Variants in SYT16 observed in about 807,000 individuals in gnomAD.
SYT16 encodes the protein synaptotagmin-16.
Under a neutral mutation model 61.4 loss-of-function variants are expected in SYT16, and 42 were observed. The ratio of observed to expected loss-of-function variants is 0.68; its 90% CI spans 0.53 to 0.89. The LOEUF (loss-of-function observed/expected upper bound fraction) is 0.89, where lower values mean the gene tolerates loss of function less well. Among genes scored for constraint, SYT16 ranks in the 40% least tolerant of loss-of-function variants. The pLI, the probability that SYT16 is intolerant of heterozygous loss-of-function variation, is 0.00. For missense variants in SYT16, 804 were observed against 807.3 expected, an observed-to-expected ratio of 1.00 and a Z score of 0.05; for synonymous variants, 314 against 302.3, an observed-to-expected ratio of 1.04 and a Z score of -0.40.
chr14:62,045,651 G>C (rs924391799), intron 3 of SYT16, among the ~76,000 whole-genome samples: 22 of 152,102 alleles, frequency 1.4e-4, no homozygotes, highest in African/African-American at 5.3e-4. Context: ...CCCTTCTTGT[G>C]TCCATGTGTT....
chr14:62,003,835 G>A (rs748725062), intron 3 of SYT16, among the ~76,000 whole-genome samples: 17 of 152,128 alleles, frequency 1.1e-4, no homozygotes, highest in Admixed American at 2.0e-4. Flanking sequence ...AGTTATGTAC[G>A]TGATAACTTT....
chr14:61,880,905 CCTT>C lies in SYT16; in HGVS notation c.-325+68098_-325+68100del, dbSNP rs2047675565. ...TGGTTTTTGTTTTCTTTTTTCTAAT[CCTT>C]CTACTTTTAAACAACTTGATTGACA... On this transcript the variant is annotated intron_variant, in intron 1 of 7. Transcript: ENST00000683842. 4.6e-5 allele frequency among the ~76,000 whole-genome samples: 7 copies of C among 152,002 alleles called. No homozygotes were observed. In the South Asian group the frequency reaches 6.3e-4, roughly 14 times the overall value.
At chr14:61,840,291 G>C (rs1001060000) in intron 1 of SYT16, among the ~76,000 whole-genome samples, 1 of 152,176 alleles carries the variant, frequency 6.6e-6, no homozygotes, top group Non-Finnish European at 1.5e-5. Context: ...GGAAATACGA[G>C]TCTAGAGCTT....
rs11347339 is a variant in SYT16, at chr14:62,054,360, G to GT, written c.524-15226dup. ...TAAAAGCTGTTACTTAGTGAAGTGA[G>GT]TTTTTTTTTTTTTTTTTGGAGATAG... is the stretch of plus-strand genomic sequence containing the variant. On this transcript the variant is annotated intron_variant, in intron 3 of 7. Coordinates refer to ENST00000683842, the MANE Select transcript of SYT16 (RefSeq NM_001367656.1). Among the ~76,000 whole-genome samples the GT allele has an allele frequency of 3.0e-3, 356 of 118,248 alleles. 3 individuals are homozygous for GT. The highest frequency in any genetic ancestry group is 4.5e-3 in the Middle Eastern group (1 of 224). The allele number at this position is 118,248 out of a possible 152,430, so 77.6% of individuals were successfully genotyped here.
intron 7 of SYT16, among the ~76,000 whole-genome samples, chr14:62,097,093 T>C (rs1489158994): frequency 6.6e-6 from 1 of 152,126 alleles, no homozygotes; most frequent in Non-Finnish European, 1.5e-5. Flanking sequence ...AACTACGGGG[T>C]ACCATGTTGT....
chr14:61,931,032 G>T (rs1318341491), intron 1 of SYT16, among the ~76,000 whole-genome samples: 1 of 152,192 alleles, frequency 6.6e-6, no homozygotes, highest in Non-Finnish European at 1.5e-5. Flanking sequence ...TACTAAGTTT[G>T]TGATAATTTG....
chr14:61,919,735 C>G (rs569624918), intron 1 of SYT16, among the ~76,000 whole-genome samples: 1 of 6,016 alleles, frequency 1.7e-4, no homozygotes, highest in African/African-American at 6.9e-4. Context: ...CATCTGCACT[C>G]TTCCCCTTTG....
intron 2 of SYT16, among the ~76,000 whole-genome samples, chr14:61,983,468 T>C (rs1277401441): frequency 6.6e-6 from 1 of 152,210 alleles, no homozygotes; most frequent in African/African-American, 2.4e-5. Context: ...GTTTTTCTAC[T>C]CTGGATCTCC....
At chr14:61,818,055 T>C (rs980888419) in intron 1 of SYT16, among the ~76,000 whole-genome samples, 1 of 152,260 alleles carries the variant, frequency 6.6e-6, no homozygotes. Context: ...TCTAATACTA[T>C]TGAGTTTACT....
At chr14:62,054,524 C>G (rs533542935) in intron 3 of SYT16, among the ~76,000 whole-genome samples, 7 of 151,966 alleles carry the variant, frequency 4.6e-5, no homozygotes, top group Non-Finnish European at 1.0e-4. Context: ...CCACGCTCAG[C>G]TAATTTTTGT....
intron 1 of SYT16, among the ~76,000 whole-genome samples, chr14:61,865,596 G>T (rs1342624963): frequency 6.6e-6 from 1 of 152,176 alleles, no homozygotes; most frequent in Non-Finnish European, 1.5e-5. Context: ...CCGTAATACC[G>T]CAAAGATATA....
intron 3 of SYT16, among the ~76,000 whole-genome samples, chr14:62,030,191 ACTGAAATGTATCTTTCTG>A (rs1330449964): frequency 1.3e-5 from 2 of 152,120 alleles, no homozygotes; most frequent in African/African-American, 4.8e-5. Flanking sequence ...ACAAAGCCAA[ACTGAAATGTATCTTTCTG>A]CTCAGATTAA....
At chr14:61,936,049 GAAA>G (rs914937090) in intron 1 of SYT16, among the ~76,000 whole-genome samples, 3 of 151,654 alleles carry the variant, frequency 2.0e-5, no homozygotes, top group Non-Finnish European at 2.9e-5. Flanking sequence ...ATCTTCTTTA[GAAA>G]AAAAACCTCT....
At chr14:62,062,676 C>T (rs2055876677) in intron 3 of SYT16, among the ~76,000 whole-genome samples, 1 of 152,088 alleles carries the variant, frequency 6.6e-6, no homozygotes, top group Non-Finnish European at 1.5e-5. Context: ...CTTTGATCTC[C>T]CTTCTGCTTT....
At chr14:62,069,849 G>C (rs757854407) in intron 4 of SYT16, 34 bp downstream of exon 4, 2 of 1,603,654 alleles carry the variant, frequency 1.2e-6, no homozygotes, top group South Asian at 2.2e-5. Context: ...CTTTAGACCA[G>C]GGATGGCCAA....
chr14:61,830,560 A>G (rs2045907231), intron 1 of SYT16, among the ~76,000 whole-genome samples: 1 of 152,230 alleles, frequency 6.6e-6, no homozygotes, highest in African/African-American at 2.4e-5. Context: ...GATTTCACAC[A>G]TGGACCATTT....
At chr14:62,100,065 TGAA>T (rs2057381300) in intron 7 of SYT16, among the ~76,000 whole-genome samples, 1 of 152,218 alleles carries the variant, frequency 6.6e-6, no homozygotes. Context: ...TAAATGTAGA[TGAA>T]GAACTGTGCC....
Position 62,075,353 on chromosome 14 carries a change from T to G in SYT16, c.955T>G (p.Ser319Ala). 2 of 1,613,748 alleles carry G rather than the reference T, an allele frequency of 1.2e-6. No homozygotes were observed. Among genetic ancestry groups the G allele is most frequent in the South Asian group, 2.2e-5 (2 of 91,070 alleles). Residue 319 changes from serine (S) to alanine (A), a missense_variant, in exon 5 of 8, where the codon TCC becomes GCC. Physicochemically the swap from Ser to Ala is moderately conservative, Grantham distance 99. Transcript: ENST00000683842. ...TTTTAATAGCCGGGGATTTGAAGAT[T>G]CCTATGCCACTGACAGCTCCTCCAT... ...TAFNSRGFEDSYATDSSSMWS... is the reference protein window; with the variant it reads ...TAFNSRGFEDAYATDSSSMWS...
At chr14:61,983,996 A>G (rs2052196899) in intron 2 of SYT16, among the ~76,000 whole-genome samples, 1 of 152,260 alleles carries the variant, frequency 6.6e-6, no homozygotes, top group African/African-American at 2.4e-5. Flanking sequence ...CTTTTAGGGC[A>G]TAAACCCTTT....
Sources: allele counts gnomAD v4.1 joint callset (sites outside exome capture counted in the v4.1 genomes callset), GRCh38; gene constraint gnomAD v4.1.1; transcripts MANE v1.5; gene names NCBI Gene and HGNC (gene_info 2026-07-23, HGNC 2026-07-21).